Variants in ZNF716 observed in about 807,000 individuals in gnomAD.
ZNF716 encodes the protein zinc finger protein 716.
Under a neutral mutation model 13.4 loss-of-function variants are expected in ZNF716, and 9 were observed. The observed-to-expected ratio is 0.67, with a 90% confidence interval of 0.41 to 1.18. The LOEUF (loss-of-function observed/expected upper bound fraction) is 1.18, where lower values mean the gene tolerates loss of function less well. ZNF716 is among the 50% of genes most tolerant of loss of function. The pLI is 0.01. For synonymous variants in ZNF716, 186 were observed against 195.2 expected, an observed-to-expected ratio of 0.95 and a Z score of 0.39; for missense variants, 581 against 576.6, an observed-to-expected ratio of 1.01 and a Z score of -0.08.
chr7:57,453,900 T>A (rs1789539844), intron 1 of ZNF716, among the ~76,000 whole-genome samples: 1 of 152,210 alleles, frequency 6.6e-6, no homozygotes, highest in African/African-American at 2.4e-5. Context: ...TGGTGTGATC[T>A]TGGCTCACTG....
At chr7:57,465,524 T>C (rs1416282304) in intron 3 of ZNF716, among the ~76,000 whole-genome samples, 1 of 152,124 alleles carries the variant, frequency 6.6e-6, no homozygotes, top group Non-Finnish European at 1.5e-5. Context: ...AGCTAATTTT[T>C]AACTATTTGT....
In ZNF716 at chr7:57,467,792, T is replaced by C. The variant is rs537794069; in HGVS notation, c.263-932T>C. Among the ~76,000 whole-genome samples the C allele has an allele frequency of 1.1e-3, 171 of 152,200 alleles. 1 individual carries two copies. The highest frequency in any genetic ancestry group is 3.9e-3 in the African/African-American group (162 of 41,566). ...TTTGTTTATTTTTATTATTCCAAGC[T>C]TTTGTTGATATTCTTATTTTTCTGA... On this transcript the variant is annotated intron_variant, in intron 3 of 3. Coordinates refer to ENST00000420713, the MANE Select transcript of ZNF716 (RefSeq NM_001159279.1).
Position 57,472,031 on chromosome 7 carries a change from C to A in ZNF716, c.*2082C>A, listed in dbSNP as rs35902464. 0.38 allele frequency: 58,420 copies of A among 151,980 alleles called. 11,428 individuals carry two copies. Among genetic ancestry groups the A allele is most frequent in the East Asian group, 0.51 (2,656 of 5,166 alleles). The allele number at this position is 151,980 out of a possible 1,614,324, so 9.4% of individuals were successfully genotyped here. ...TGTTGATCCTTTCTTCCCATTGTTT[C>A]TGTGAAAGTATTGGACCAATTGTTG... On this transcript the variant is annotated 3_prime_UTR_variant, in exon 4 of 4. Coordinates refer to ENST00000420713, the MANE Select transcript of ZNF716 (RefSeq NM_001159279.1).
rs1478101618 is a variant in ZNF716, at chr7:57,462,280, G to T, written c.40-180G>T. 4 of 678,148 alleles carry T rather than the reference G, an allele frequency of 5.9e-6. No individual in the cohort carries two copies. In the Admixed American group the frequency reaches 8.2e-5, roughly 14 times the overall value. 42.0% of individuals were successfully genotyped at this position (678,148 alleles called of 1,614,324 possible). A position where few individuals can be genotyped will look rare whatever the true frequency, so the allele number is the denominator to read the frequency against. ...ATGCTATCCTCTTTTCTCAGTTAGA[G>T]AATACTTCCATGTTAAACATTATCT... is the stretch of plus-strand genomic sequence containing the variant. On this transcript the variant is annotated intron_variant, in intron 1 of 3. Coordinates refer to ENST00000420713, the MANE Select transcript of ZNF716 (RefSeq NM_001159279.1).
intron 1 of ZNF716, 52 bp from the exon 2 acceptor site, chr7:57,462,408 C>G (rs1238340119): frequency 1.2e-5 from 19 of 1,584,414 alleles, no homozygotes; most frequent in Non-Finnish European, 1.6e-5. Context: ...AACATGGTAA[C>G]TGTTTGTGTG....
At chr7:57,465,375 G>C (rs1353001388) in intron 3 of ZNF716, among the ~76,000 whole-genome samples, 1 of 151,080 alleles carries the variant, frequency 6.6e-6, no homozygotes, top group Admixed American at 6.6e-5. Context: ...TTTTGACACA[G>C]TGTTTCTCAC....
chr7:57,451,140 C>A (rs1789484562), intron 1 of ZNF716, among the ~76,000 whole-genome samples: 1 of 151,952 alleles, frequency 6.6e-6, no homozygotes, highest in Non-Finnish European at 1.5e-5. Context: ...CCGCCTCAGG[C>A]TGCGGAGTAG....
Position 57,469,693 on chromosome 7 carries a change from A to T in ZNF716, c.1232A>T (p.Glu411Val). 1 of 1,611,668 alleles carries T rather than the reference A, an allele frequency of 6.2e-7. No homozygotes were observed. ...ACTGGAGAGAAACCCTACAAATGTG[A>T]AGAATGTGGCAAAGCCTTTAACTGC... ...THTGEKPYKCEECGKAFNCSS... is the reference protein window; with the variant it reads ...THTGEKPYKCVECGKAFNCSS... The change falls in exon 4 of 4, where the codon GAA becomes GTA. Residue 411 changes from glutamate (E) to valine (V), a missense_variant. Physicochemically the swap from Glu to Val is moderately radical, Grantham distance 121 (BLOSUM62 -2). Transcript: ENST00000420713.
intron 3 of ZNF716, among the ~76,000 whole-genome samples, chr7:57,465,915 C>G (rs1789802075): frequency 1.3e-5 from 2 of 151,980 alleles, no homozygotes; most frequent in Admixed American, 1.3e-4. Context: ...TCATCATTCT[C>G]AGTAAACTAT....
Position 57,470,990 on chromosome 7 carries a change from T to G in ZNF716, c.*1041T>G, listed in dbSNP as rs2116429296. On this transcript the variant is annotated 3_prime_UTR_variant, in exon 4 of 4. Transcript: ENST00000420713. ...GCAAATATGAAAAATGTGGCAAAAC[T>G]TTTAACAAATTTTCCCATCTTATTG... 1 of 152,302 alleles carries G rather than the reference T, an allele frequency of 6.6e-6. No individual in the cohort carries two copies. Among genetic ancestry groups the G allele is most frequent in the African/African-American group, 2.4e-5 (1 of 41,572 alleles). The allele number at this position is 152,302 out of a possible 1,614,324, so 9.4% of individuals were successfully genotyped here. A position where few individuals can be genotyped will look rare whatever the true frequency, so the allele number is the denominator to read the frequency against.
At chr7:57,456,185 A>G (rs1554322152) in intron 1 of ZNF716, among the ~76,000 whole-genome samples, 1 of 151,294 alleles carries the variant, frequency 6.6e-6, no homozygotes, top group African/African-American at 2.4e-5. Context: ...TGAACTCCTG[A>G]CCTCATGATC....
chr7:57,465,294 C>G (rs1789785090), intron 3 of ZNF716, among the ~76,000 whole-genome samples: 1 of 151,880 alleles, frequency 6.6e-6, no homozygotes, highest in African/African-American at 2.4e-5. Flanking sequence ...GCCAGTTATA[C>G]TTTTTTTCTT....
intron 1 of ZNF716, among the ~76,000 whole-genome samples, chr7:57,451,026 A>ATT (rs35781963): frequency 3.6e-4 from 53 of 147,096 alleles, no homozygotes; most frequent in African/African-American, 1.3e-3. Flanking sequence ...CAAGAAATGC[A>ATT]TTTTTTTTTT....
Position 57,470,102 on chromosome 7 carries a change from A to C in ZNF716, c.*153A>C. 1.3e-6 allele frequency: 1 copy of C among 766,564 alleles called. No individual in the cohort carries two copies. 47.5% of individuals were successfully genotyped at this position (766,564 alleles called of 1,614,324 possible). A position where few individuals can be genotyped will look rare whatever the true frequency, so the allele number is the denominator to read the frequency against. On this transcript the variant is annotated 3_prime_UTR_variant, in exon 4 of 4. Coordinates refer to ENST00000420713, the MANE Select transcript of ZNF716 (RefSeq NM_001159279.1). Reference sequence around the variant, plus strand: ...TTCATATTGGACAAAAGTCTTATAAATGTAAAAAAAAAAGTAACAGCCTTT... The same window carrying C: ...TTCATATTGGACAAAAGTCTTATAACTGTAAAAAAAAAAGTAACAGCCTTT...
Position 57,450,245 on chromosome 7 carries a change from G to C in ZNF716, c.-44G>C, listed in dbSNP as rs1554321328. On this transcript the variant is annotated 5_prime_UTR_variant, in exon 1 of 4. Coordinates refer to ENST00000420713, the MANE Select transcript of ZNF716 (RefSeq NM_001159279.1). ...TGCTCTGCGTCCTCTGCTCCTGGAG[G>C]CCAAGCCTCTGTGGCCTTGTGTCCT... 1.2e-6 allele frequency: 2 copies of C among 1,613,310 alleles called. No individual in the cohort carries two copies. Among genetic ancestry groups the C allele is most frequent in the Non-Finnish European group, 1.7e-6 (2 of 1,179,574 alleles).
chr7:57,460,119 G>C (rs1438874468), intron 1 of ZNF716, among the ~76,000 whole-genome samples: 1 of 152,118 alleles, frequency 6.6e-6, no homozygotes, highest in Non-Finnish European at 1.5e-5. Flanking sequence ...CGGGTGCGGT[G>C]GCTCACGCCT....
In ZNF716 at chr7:57,468,951, A is replaced by T. The variant is rs782216180; in HGVS notation, c.490A>T (p.Lys164Ter). ...AACATTTCAGACTCATAAATGCGTC[A>T]AAGTCTTTGGTAAATTTTCAAATTC... is the stretch of plus-strand genomic sequence containing the variant. ...NKTFQTHKCVKVFGKFSNSNR... is the reference protein window; with the variant it reads ...NKTFQTHKCV Residue 164 changes from lysine (K) to a stop codon, truncating the protein, a stop_gained, in exon 4 of 4, where the codon AAA becomes TAA. Coordinates refer to ENST00000420713, the MANE Select transcript of ZNF716 (RefSeq NM_001159279.1). LOFTEE classifies it low-confidence loss of function (END_TRUNC). 6.2e-7 allele frequency: 1 copy of T among 1,610,008 alleles called. No homozygotes were observed. The highest frequency in any genetic ancestry group is 1.1e-5 in the South Asian group (1 of 90,848).
chr7:57,468,961 G>A lies in ZNF716; in HGVS notation c.500G>A (p.Gly167Asp). Residue 167 changes from glycine (G) to aspartate (D), a missense_variant, in exon 4 of 4, where the codon GGT becomes GAT. By Grantham distance (94) the Gly-to-Asp change is moderately conservative. Transcript: ENST00000420713. ...FQTHKCVKVF[G>D]KFSNSNRHKT... is the part of the protein sequence containing the mutation. ...ACTCATAAATGCGTCAAAGTCTTTG[G>A]TAAATTTTCAAATTCCAATAGACAC... 6.2e-7 allele frequency: 1 copy of A among 1,608,938 alleles called. No individual in the cohort carries two copies. The highest frequency in any genetic ancestry group is 8.5e-7 in the Non-Finnish European group (1 of 1,177,186).
Position 57,462,529 on chromosome 7 carries a change from C to T in ZNF716, c.109C>T (p.Gln37Ter), listed in dbSNP as rs1286787893. ...LAEWQCLDHA[Q>*]QNLYRDVMLE... The stretch of plus-strand genomic sequence containing the variant: ...GGAATGGCAATGCCTGGATCATGCT[C>T]AGCAGAATTTATATAGAGATGTGAT... The change falls in exon 2 of 4, where the codon CAG (glutamine) becomes TAG (stop). Residue 37 changes from glutamine to a stop codon, truncating the protein, a stop_gained. Transcript: ENST00000420713. LOFTEE classifies it high-confidence loss of function. The T allele has an allele frequency of 2.5e-6, 4 of 1,613,654 alleles. No individual in the cohort carries two copies. The highest frequency in any genetic ancestry group is 3.4e-6 in the Non-Finnish European group (4 of 1,179,812).
Sources: allele counts gnomAD v4.1 joint callset (sites outside exome capture counted in the v4.1 genomes callset), GRCh38; gene constraint gnomAD v4.1.1; transcripts MANE v1.5; gene names NCBI Gene and HGNC (gene_info 2026-07-23, HGNC 2026-07-21).